CDH13: variants seen among roughly 807,000 people sequenced by gnomAD.
The protein encoded by CDH13 is cadherin 13.
In CDH13, 24 loss-of-function variants were observed where a neutral mutation model predicts 63.8. The observed-to-expected ratio is 0.38, with a 90% CI of 0.27 to 0.53. The LOEUF (loss-of-function observed/expected upper bound fraction) is 0.53, where lower values mean the gene tolerates loss of function less well. Ranked by LOEUF, CDH13 falls within the 20% of genes least tolerant of loss-of-function variation. CDH13 has a pLI of 0.85. For synonymous variants in CDH13, 503 were observed against 355.3 expected (o/e 1.42, Z -4.67); for missense variants, 1,049 against 903.1 (o/e 1.16, Z -2.07).
intron 6 of CDH13, among the ~76,000 whole-genome samples, chr16:83,442,328 T>C (rs945915509): frequency 1.3e-5 from 2 of 152,222 alleles, no homozygotes; most frequent in African/African-American, 2.4e-5. Context: ...AGATGAGATT[T>C]ATCCAAGGAC....
chr16:83,020,649 C>A (rs961500309), intron 2 of CDH13, among the ~76,000 whole-genome samples: 18 of 152,332 alleles, frequency 1.2e-4, no homozygotes, highest in African/African-American at 3.4e-4. Context: ...TTTCTCTGAA[C>A]TATGGATCCA....
chr16:83,378,235 A>G (rs531331107), intron 6 of CDH13, among the ~76,000 whole-genome samples: 4 of 152,288 alleles, frequency 2.6e-5, no homozygotes, highest in African/African-American at 9.6e-5. Context: ...CATAGATGAC[A>G]AAACAACAAC....
intron 2 of CDH13, among the ~76,000 whole-genome samples, chr16:82,885,878 C>G (rs2040870381): frequency 6.6e-6 from 1 of 152,050 alleles, no homozygotes. Context: ...ATGATATAAT[C>G]CATATAAGAT....
intron 3 of CDH13, among the ~76,000 whole-genome samples, chr16:83,044,700 T>G (rs1472629945): frequency 6.6e-6 from 1 of 152,202 alleles, no homozygotes; most frequent in Non-Finnish European, 1.5e-5. Context: ...GGTGTGTTTT[T>G]CGTTTTCTGA....
At chr16:83,243,964 A>G (rs952754522) in intron 5 of CDH13, among the ~76,000 whole-genome samples, 1 of 152,170 alleles carries the variant, frequency 6.6e-6, no homozygotes, top group African/African-American at 2.4e-5. Context: ...ATATGGGTTT[A>G]TCAGCATTGT....
intron 5 of CDH13, among the ~76,000 whole-genome samples, chr16:83,298,219 G>A (rs1239507312): frequency 2.0e-5 from 3 of 152,130 alleles, no homozygotes; most frequent in African/African-American, 7.2e-5. Context: ...CTCCAGGCTG[G>A]GTGAGAGAGC....
At chr16:83,660,673 A>G (rs542686856) in intron 8 of CDH13, among the ~76,000 whole-genome samples, 3 of 152,336 alleles carry the variant, frequency 2.0e-5, no homozygotes, top group African/African-American at 7.2e-5. Flanking sequence ...TGCATAAGCC[A>G]AACTCCAGTG....
At chr16:83,716,354 A>G (rs1221707422) in intron 10 of CDH13, among the ~76,000 whole-genome samples, 3 of 152,168 alleles carry the variant, frequency 2.0e-5, no homozygotes, top group African/African-American at 7.2e-5. Context: ...GTATAACAGC[A>G]TGCATCCACC....
intron 1 of CDH13, chr16:82,688,985 C>T (rs1597328240): frequency 1.3e-5 from 2 of 152,170 alleles, no homozygotes; most frequent in East Asian, 3.9e-4. Flanking sequence ...AGAACCAGGG[C>T]ACCTGGACTT....
At chr16:82,634,532 C>G (rs963194526) in intron 1 of CDH13, among the ~76,000 whole-genome samples, 3 of 152,164 alleles carry the variant, frequency 2.0e-5, no homozygotes, top group Non-Finnish European at 4.4e-5. Flanking sequence ...AATTATGGCC[C>G]GTGAGCCAAT....
At chr16:83,621,293 G>T (rs1396578602) in intron 8 of CDH13, among the ~76,000 whole-genome samples, 4 of 152,082 alleles carry the variant, frequency 2.6e-5, no homozygotes, top group Admixed American at 6.5e-5. Flanking sequence ...AGCCCTTGGG[G>T]TCAGCTCTGT....
intron 1 of CDH13, among the ~76,000 whole-genome samples, chr16:82,842,927 G>A (rs543553761): frequency 5.9e-5 from 9 of 152,118 alleles, no homozygotes; most frequent in Admixed American, 3.9e-4. Context: ...TAATGTTATT[G>A]CTGGTCTAAC....
chr16:82,828,311 G>C (rs949106978), intron 1 of CDH13, among the ~76,000 whole-genome samples: 1 of 152,126 alleles, frequency 6.6e-6, no homozygotes, highest in African/African-American at 2.4e-5. Flanking sequence ...CGGATTCAAT[G>C]AACTATGGAT....
At chr16:83,342,130 C>T (rs909704125) in intron 5 of CDH13, among the ~76,000 whole-genome samples, 36 of 152,090 alleles carry the variant, frequency 2.4e-4, no homozygotes, top group East Asian at 1.9e-4. Flanking sequence ...GCACTCAAAA[C>T]GTTCCTAGTT....
chr16:83,286,773 T>TAC (rs1290582984), intron 5 of CDH13, among the ~76,000 whole-genome samples: 1 of 147,476 alleles, frequency 6.8e-6, no homozygotes, highest in Non-Finnish European at 1.5e-5. Flanking sequence ...AAAAAATGTA[T>TAC]ATATATATAT....
At chr16:82,882,041 T>A (rs2040721640) in intron 2 of CDH13, among the ~76,000 whole-genome samples, 1 of 152,200 alleles carries the variant, frequency 6.6e-6, no homozygotes, top group Admixed American at 6.5e-5. Context: ...TGCATCTATG[T>A]TTTTATTAAT....
chr16:83,310,314 A>C (rs555916849), intron 5 of CDH13, among the ~76,000 whole-genome samples: 2 of 152,210 alleles, frequency 1.3e-5, no homozygotes, highest in Non-Finnish European at 2.9e-5. Context: ...TGCATTTTTG[A>C]TAAGGTAAAT....
chr16:83,488,092 T>G (rs1005970283), intron 7 of CDH13, among the ~76,000 whole-genome samples: 4 of 152,242 alleles, frequency 2.6e-5, no homozygotes, highest in African/African-American at 9.6e-5. Context: ...CATGGGGTTA[T>G]TGCAATTTTA....
At chr16:82,968,355 G>T (rs943001767) in intron 2 of CDH13, among the ~76,000 whole-genome samples, 6 of 152,104 alleles carry the variant, frequency 3.9e-5, no homozygotes, top group Non-Finnish European at 7.4e-5. Context: ...TTCCAAGAAG[G>T]CCTCAGACCT....
Sources: allele counts gnomAD v4.1 joint callset (sites outside exome capture counted in the v4.1 genomes callset), GRCh38; gene constraint gnomAD v4.1.1; transcripts MANE v1.5; gene names NCBI Gene and HGNC (gene_info 2026-07-23, HGNC 2026-07-21).